ZNF148: variants seen among roughly 807,000 people sequenced by gnomAD.
ZNF148 encodes Beta-Enolase Repressor Factor-1.
In ZNF148, 7 loss-of-function variants were observed where a neutral mutation model predicts 67.7. That is an observed-to-expected ratio of 0.10 (90% confidence interval 0.06 to 0.19). The LOEUF (loss-of-function observed/expected upper bound fraction) is 0.19, where lower values mean the gene tolerates loss of function less well. Among genes scored for constraint, ZNF148 ranks in the 10% least tolerant of loss-of-function variants. The pLI is 1.00. For missense variants in ZNF148, 583 were observed against 947.1 expected, an observed-to-expected ratio of 0.62 and a Z score of 5.05; for synonymous variants, 333 against 330.7, an observed-to-expected ratio of 1.01 and a Z score of -0.08.
intron 7 of ZNF148, among the ~76,000 whole-genome samples, chr3:125,260,191 G>A (rs2107570342): frequency 6.6e-6 from 1 of 152,206 alleles, no homozygotes; most frequent in Middle Eastern, 3.4e-3. Context: ...GAAAAGGTCT[G>A]AAATATTGAA....
chr3:125,279,267 G>C lies in ZNF148; in HGVS notation c.460-20C>G. ...AAGGATCTAGTTCAAAAAAAAAAAG[G>C]CAAAAACAAAAGAAATAAGTTTTTA... On this transcript the variant is annotated intron_variant, in intron 5 of 8. Coordinates refer to ENST00000360647, the MANE Select transcript of ZNF148 (RefSeq NM_021964.3). The C allele has an allele frequency of 1.3e-6, 1 of 775,926 alleles. No individual in the cohort carries two copies. The highest frequency in any genetic ancestry group is 2.3e-5 in the South Asian group (1 of 43,948). 48.1% of individuals were successfully genotyped at this position (775,926 alleles called of 1,614,324 possible). A position where few individuals can be genotyped will look rare whatever the true frequency, so the allele number is the denominator to read the frequency against.
chr3:125,313,075 C>A (rs929494264), intron 4 of ZNF148, among the ~76,000 whole-genome samples: 7 of 151,920 alleles, frequency 4.6e-5, no homozygotes, highest in African/African-American at 1.5e-4. Context: ...AAATTTAATA[C>A]CAAAATAATC....
At chr3:125,301,545 T>C (rs568491108) in intron 4 of ZNF148, among the ~76,000 whole-genome samples, 14 of 152,230 alleles carry the variant, frequency 9.2e-5, no homozygotes, top group Non-Finnish European at 2.1e-4. Context: ...AAAAACTCAT[T>C]TTTTTGCTTT....
At chr3:125,324,877 G>T (rs1290661481) in intron 2 of ZNF148, among the ~76,000 whole-genome samples, 2 of 151,938 alleles carry the variant, frequency 1.3e-5, no homozygotes, top group Non-Finnish European at 2.9e-5. Flanking sequence ...CAGTACTCCT[G>T]CATTTCAGAA....
chr3:125,303,177 A>G (rs1939686213), intron 4 of ZNF148, among the ~76,000 whole-genome samples: 1 of 152,220 alleles, frequency 6.6e-6, no homozygotes, highest in South Asian at 2.1e-4. Context: ...CTAGAAATAA[A>G]CAACAGATTA....
chr3:125,253,839 C>G (rs1395720059), intron 7 of ZNF148, among the ~76,000 whole-genome samples: 1 of 152,062 alleles, frequency 6.6e-6, no homozygotes, highest in Non-Finnish European at 1.5e-5. Flanking sequence ...AACTCTTAAA[C>G]CCATGTTGAT....
chr3:125,291,256 ATTC>A (rs1317192510), intron 4 of ZNF148, among the ~76,000 whole-genome samples: 1 of 152,160 alleles, frequency 6.6e-6, no homozygotes, highest in Non-Finnish European at 1.5e-5. Flanking sequence ...CTCCCAATGT[ATTC>A]TTCTACAAAT....
intron 1 of ZNF148, among the ~76,000 whole-genome samples, chr3:125,364,706 T>A (rs1579912658): frequency 6.6e-6 from 1 of 152,234 alleles, no homozygotes; most frequent in East Asian, 1.9e-4. Context: ...GGCATCCTTC[T>A]GGAAGTCGGA....
At chr3:125,343,769 C>T (rs139402181) in intron 1 of ZNF148, among the ~76,000 whole-genome samples, 1,618 of 152,136 alleles carry the variant, frequency 0.011, 26 homozygotes, top group African/African-American at 0.036. Flanking sequence ...ACCTTGCTAC[C>T]GCTCACTCTT....
chr3:125,345,109 G>A (rs1941890556), intron 1 of ZNF148, among the ~76,000 whole-genome samples: 1 of 152,052 alleles, frequency 6.6e-6, no homozygotes, highest in East Asian at 1.9e-4. Context: ...AATAACAGCA[G>A]AATACACATT....
chr3:125,294,589 C>T (rs948312808), intron 4 of ZNF148, among the ~76,000 whole-genome samples: 3 of 152,206 alleles, frequency 2.0e-5, no homozygotes, highest in Non-Finnish European at 4.4e-5. Flanking sequence ...TCTGCCTCCT[C>T]AGCATATACT....
chr3:125,289,716 A>G (rs1331683062), intron 4 of ZNF148, among the ~76,000 whole-genome samples: 1 of 152,230 alleles, frequency 6.6e-6, no homozygotes, highest in Non-Finnish European at 1.5e-5. Flanking sequence ...CATTTCTGTC[A>G]GCGTGTAAAT....
chr3:125,235,381 A>G (rs1261629596), intron 7 of ZNF148, among the ~76,000 whole-genome samples: 1 of 152,172 alleles, frequency 6.6e-6, no homozygotes. Flanking sequence ...TAACCCTTTC[A>G]GACAAACCGA....
At chr3:125,298,727 C>T (rs1488872250) in intron 4 of ZNF148, among the ~76,000 whole-genome samples, 1 of 149,626 alleles carries the variant, frequency 6.7e-6, no homozygotes, top group African/African-American at 2.5e-5. Context: ...CAGGTTCATG[C>T]CATTCTCCTG....
chr3:125,367,847 A>C (rs551035883), intron 1 of ZNF148, among the ~76,000 whole-genome samples: 1 of 152,254 alleles, frequency 6.6e-6, no homozygotes, highest in East Asian at 1.9e-4. Context: ...AAGTTACACT[A>C]TACGAAGACG....
chr3:125,344,482 C>G (rs1303137914), intron 1 of ZNF148: 1 of 1,129,184 alleles, frequency 8.9e-7, no homozygotes. Flanking sequence ...TCCCTTCCAC[C>G]AAAAAAATTC....
chr3:125,249,701 C>T (rs2107544853), intron 7 of ZNF148, among the ~76,000 whole-genome samples: 1 of 152,250 alleles, frequency 6.6e-6, no homozygotes. Flanking sequence ...GAACTGAAAT[C>T]ATTATCTTAA....
chr3:125,316,765 G>A (rs940047189), intron 3 of ZNF148, among the ~76,000 whole-genome samples: 6 of 152,076 alleles, frequency 3.9e-5, no homozygotes, highest in South Asian at 2.1e-4. Context: ...TGTCAGATGG[G>A]TAGTTTGCAA....
chr3:125,359,600 C>G (rs539843629), intron 1 of ZNF148, among the ~76,000 whole-genome samples: 1 of 152,326 alleles, frequency 6.6e-6, no homozygotes, highest in South Asian at 2.1e-4. Flanking sequence ...ACCCGAATCT[C>G]TTTACTTATG....
Sources: gnomAD v4.1 joint callset for allele counts (sites outside exome capture counted in the v4.1 genomes callset) on GRCh38, gnomAD v4.1.1 for gene constraint, MANE v1.5 for transcripts, NCBI Gene and HGNC (gene_info 2026-07-23, HGNC 2026-07-21) for gene names.